The following TBC1D9 variants were observed in gnomAD, a reference collection of about 807,000 sequenced individuals.
TBC1D9 encodes the protein TBC1 domain family member 9, also known as TBC1 domain family member 9A.
In TBC1D9, 63 loss-of-function variants were observed where a neutral mutation model predicts 132.0. That is an observed-to-expected ratio of 0.48 (90% CI 0.39 to 0.59). TBC1D9 has a LOEUF of 0.59. Ranked by LOEUF, TBC1D9 falls within the 20% of genes least tolerant of loss-of-function variation. TBC1D9 has a pLI of 0.00. For missense variants in TBC1D9, 1,261 were observed against 1,592.7 expected, an observed-to-expected ratio of 0.79 and a Z score of 3.54; for synonymous variants, 610 against 609.9, an observed-to-expected ratio of 1.00 and a Z score of 0.00.
intron 13 of TBC1D9, among the ~76,000 whole-genome samples, chr4:140,653,607 A>G (rs966048870): frequency 5.3e-5 from 8 of 152,216 alleles, no homozygotes; most frequent in African/African-American, 1.9e-4. Flanking sequence ...ACAGGATTGA[A>G]AACCACCAAT....
intron 3 of TBC1D9, 138 bp downstream of exon 3, chr4:140,686,206 A>T: frequency 1.7e-6 from 1 of 579,202 alleles, no homozygotes; most frequent in Non-Finnish European, 3.0e-6. Context: ...ACATATGAGA[A>T]AGCAAATGCA....
chr4:140,632,266 T>A (rs577890845), intron 16 of TBC1D9, among the ~76,000 whole-genome samples: 130 of 151,870 alleles, frequency 8.6e-4, no homozygotes, highest in African/African-American at 3.0e-3. Flanking sequence ...CCAAAGGTTT[T>A]TTTTTTTTAA....
At chr4:140,642,157 C>A in intron 13 of TBC1D9, 1 of 768,486 alleles carries the variant, frequency 1.3e-6, no homozygotes, top group Non-Finnish European at 2.4e-6. Flanking sequence ...GCCACCATGC[C>A]ACACAGGAGG....
intron 1 of TBC1D9, among the ~76,000 whole-genome samples, chr4:140,740,306 A>G (rs1048460557): frequency 1.3e-5 from 2 of 152,202 alleles, no homozygotes; most frequent in Non-Finnish European, 2.9e-5. Context: ...TAATAAGTAA[A>G]TTCTTTTCTG....
chr4:140,631,390 T>G (rs1353909993), intron 16 of TBC1D9, among the ~76,000 whole-genome samples: 1 of 151,680 alleles, frequency 6.6e-6, no homozygotes, highest in Non-Finnish European at 1.5e-5. Context: ...GCCCGGCTAA[T>G]TTTTTGTATT....
At chr4:140,693,074 A>G (rs889246538) in intron 2 of TBC1D9, among the ~76,000 whole-genome samples, 14 of 152,048 alleles carry the variant, frequency 9.2e-5, no homozygotes, top group African/African-American at 3.4e-4. Flanking sequence ...AAACATATCC[A>G]GATTTTTCTG....
At chr4:140,658,787 G>A (rs559809722) in intron 11 of TBC1D9, among the ~76,000 whole-genome samples, 9 of 151,578 alleles carry the variant, frequency 5.9e-5, no homozygotes, top group African/African-American at 1.9e-4. Flanking sequence ...CTCCAACCTG[G>A]GCGACAGAGC....
At chr4:140,708,713 A>G (rs1221000856) in intron 1 of TBC1D9, among the ~76,000 whole-genome samples, 2 of 152,182 alleles carry the variant, frequency 1.3e-5, no homozygotes, top group East Asian at 3.9e-4. Flanking sequence ...GTGAAGGTAC[A>G]TGTGAGCTAA....
At chr4:140,689,736 T>C in intron 2 of TBC1D9, among the ~76,000 whole-genome samples, 2 of 90,784 alleles carry the variant, frequency 2.2e-5, no homozygotes, top group Non-Finnish European at 2.1e-5. Flanking sequence ...TTCCCTTCCC[T>C]TCCCTTCCTC....
intron 1 of TBC1D9, among the ~76,000 whole-genome samples, chr4:140,748,248 G>A (rs937881773): frequency 6.6e-6 from 1 of 152,152 alleles, no homozygotes; most frequent in Non-Finnish European, 1.5e-5. Context: ...ATTAAAAGTG[G>A]TTGGGCTGAA....
Position 140,621,978 on chromosome 4 carries a change from A to T in TBC1D9, c.*217T>A. ...TCACGAAATAAACTGTATTCTGGTA[A>T]ATCCCCTCCCCGCAACAAGAGTGTA... On this transcript the variant is annotated 3_prime_UTR_variant, in exon 21 of 21. Transcript: ENST00000442267. 1 of 559,290 alleles carries T rather than the reference A, an allele frequency of 1.8e-6. No homozygotes were observed. The highest frequency in any genetic ancestry group is 2.8e-6 in the Non-Finnish European group (1 of 356,540). 34.6% of individuals were successfully genotyped at this position (559,290 alleles called of 1,614,324 possible).
At chr4:140,687,415 C>A (rs867465751) in intron 2 of TBC1D9, among the ~76,000 whole-genome samples, 1 of 123,896 alleles carries the variant, frequency 8.1e-6, no homozygotes, top group East Asian at 2.9e-4. Context: ...GTATGCACTG[C>A]TCATTCCAGA....
chr4:140,704,006 C>A (rs952816352), intron 1 of TBC1D9, among the ~76,000 whole-genome samples: 1 of 152,222 alleles, frequency 6.6e-6, no homozygotes, highest in African/African-American at 2.4e-5. Context: ...CATCTTGAAT[C>A]AAAATAAGAA....
At chr4:140,641,564 C>A in intron 13 of TBC1D9, among the ~76,000 whole-genome samples, 1 of 139,794 alleles carries the variant, frequency 7.2e-6, no homozygotes, top group African/African-American at 2.7e-5. Flanking sequence ...GGCCCGTGCC[C>A]AAAGAGAGCC....
intron 13 of TBC1D9, among the ~76,000 whole-genome samples, chr4:140,654,825 T>A (rs910830464): frequency 6.6e-6 from 1 of 152,202 alleles, no homozygotes; most frequent in African/African-American, 2.4e-5. Context: ...TAATCTAATT[T>A]TTTTAATCCA....
chr4:140,687,372 A>T (rs1351311607), intron 2 of TBC1D9, among the ~76,000 whole-genome samples: 6,805 of 85,900 alleles, frequency 0.079, 1,033 homozygotes, highest in African/African-American at 0.23. Flanking sequence ...ATATATATAT[A>T]TATATATATA....
intron 18 of TBC1D9, among the ~76,000 whole-genome samples, chr4:140,627,149 ATAT>A (rs1480312289): frequency 6.6e-5 from 10 of 152,202 alleles, no homozygotes; most frequent in African/African-American, 2.4e-4. Context: ...GCCTAACAGG[ATAT>A]TATTAATGAG....
chr4:140,709,269 CACACACACACACACACACA>C (rs1229809329), intron 1 of TBC1D9, among the ~76,000 whole-genome samples: 1 of 151,180 alleles, frequency 6.6e-6, no homozygotes, highest in African/African-American at 2.4e-5. Flanking sequence ...CACACACACA[CACACACACACACACACACA>C]CCCCAATTCA....
intron 18 of TBC1D9, among the ~76,000 whole-genome samples, chr4:140,626,135 T>C (rs145047423): frequency 5.3e-4 from 80 of 152,352 alleles, no homozygotes; most frequent in African/African-American, 1.8e-3. Context: ...ATGTGACTGC[T>C]AATGGTATTA....
Sources: allele counts gnomAD v4.1 joint callset (sites outside exome capture counted in the v4.1 genomes callset), GRCh38; gene constraint gnomAD v4.1.1; transcripts MANE v1.5; gene names NCBI Gene and HGNC (gene_info 2026-07-23, HGNC 2026-07-21).